Variants in ROBO1 observed in about 807,000 individuals in gnomAD.
ROBO1 encodes the protein roundabout guidance receptor 1.
Under a neutral mutation model 195.9 loss-of-function variants are expected in ROBO1, and 149 were observed. That is an observed-to-expected ratio of 0.76 (90% CI 0.67 to 0.87). The LOEUF (loss-of-function observed/expected upper bound fraction) is 0.87, where lower values mean the gene tolerates loss of function less well. Ranked by LOEUF, ROBO1 falls within the 40% of genes least tolerant of loss-of-function variation. ROBO1 has a pLI of 0.00. For missense variants in ROBO1, 1,933 were observed against 2,068.3 expected (o/e 0.93, Z 1.27); for synonymous variants, 816 against 733.2 (o/e 1.11, Z -1.82).
chr3:78,605,868 T>C (rs1189787909), intron 29 of ROBO1, among the ~76,000 whole-genome samples: 1 of 152,202 alleles, frequency 6.6e-6, no homozygotes, highest in African/African-American at 2.4e-5. Context: ...CAACTTACCT[T>C]TGAACATTCA....
At chr3:79,058,410 G>C (rs1054824088) in intron 3 of ROBO1, among the ~76,000 whole-genome samples, 1 of 151,946 alleles carries the variant, frequency 6.6e-6, no homozygotes, top group Non-Finnish European at 1.5e-5. Flanking sequence ...CCAAGGCCTC[G>C]TATGATACTC....
At chr3:78,806,883 C>T (rs1191404107) in intron 4 of ROBO1, among the ~76,000 whole-genome samples, 1 of 152,036 alleles carries the variant, frequency 6.6e-6, no homozygotes, top group African/African-American at 2.4e-5. Context: ...TCTCAGCTCA[C>T]TGCAACCTCC....
chr3:78,780,287 G>A (rs2083636283), intron 4 of ROBO1, among the ~76,000 whole-genome samples: 1 of 152,128 alleles, frequency 6.6e-6, no homozygotes, highest in South Asian at 2.1e-4. Context: ...CTTATTAACT[G>A]AGACTGCATG....
intron 2 of ROBO1, among the ~76,000 whole-genome samples, chr3:79,359,952 A>G (rs1404279715): frequency 6.6e-6 from 1 of 152,048 alleles, no homozygotes; most frequent in Non-Finnish European, 1.5e-5. Flanking sequence ...ATTTGAAGGA[A>G]GAAGAAAACT....
At chr3:79,663,832 C>A (rs1946399031) in intron 1 of ROBO1, among the ~76,000 whole-genome samples, 1 of 151,920 alleles carries the variant, frequency 6.6e-6, no homozygotes, top group African/African-American at 2.4e-5. Context: ...CTTTGTTGGT[C>A]TCTTAAATGT....
intron 3 of ROBO1, among the ~76,000 whole-genome samples, chr3:78,958,949 A>G (rs1303293309): frequency 6.6e-6 from 1 of 151,176 alleles, no homozygotes; most frequent in Non-Finnish European, 1.5e-5. Context: ...CTGGGACCAC[A>G]GGTGTACACT....
chr3:79,566,575 G>A (rs1943096146), intron 2 of ROBO1, among the ~76,000 whole-genome samples: 1 of 152,010 alleles, frequency 6.6e-6, no homozygotes, highest in Non-Finnish European at 1.5e-5. Flanking sequence ...AACCAGAGAG[G>A]GGGGATCCCA....
In ROBO1 at chr3:79,432,709, C is replaced by T. The variant is rs78252440; in HGVS notation, c.88+157115G>A. On this transcript the variant is annotated intron_variant, in intron 2 of 30. Transcript: ENST00000464233. ...TGCCCCGCAAAATATACGTTTCACCCTACCCCACTCAGGGTTCTCATCAGT... is the reference window on the plus strand; with the variant it reads ...TGCCCCGCAAAATATACGTTTCACCTTACCCCACTCAGGGTTCTCATCAGT... Among the ~76,000 whole-genome samples the T allele has an allele frequency of 8.4e-3, 1,274 of 152,190 alleles. 22 individuals carry two copies. Among genetic ancestry groups the T allele is most frequent in the African/African-American group, 0.029 (1,214 of 41,552 alleles).
intron 2 of ROBO1, among the ~76,000 whole-genome samples, chr3:79,450,593 A>C (rs2039410684): frequency 6.6e-6 from 1 of 152,036 alleles, no homozygotes; most frequent in African/African-American, 2.4e-5. Flanking sequence ...TAAATAGAGC[A>C]CTTTGATGGC....
chr3:79,176,110 C>A (rs1349652218), intron 2 of ROBO1, among the ~76,000 whole-genome samples: 1 of 152,146 alleles, frequency 6.6e-6, no homozygotes, highest in African/African-American at 2.4e-5. Flanking sequence ...GCCCAAGGGA[C>A]TTCTGGCTGC....
chr3:79,192,088 A>C (rs566739952), intron 2 of ROBO1, among the ~76,000 whole-genome samples: 2 of 151,628 alleles, frequency 1.3e-5, no homozygotes, highest in Admixed American at 6.6e-5. Flanking sequence ...TTGGTAGTAC[A>C]TTATTTTTAG....
At chr3:79,755,886 T>A (rs1379867902) in intron 1 of ROBO1, among the ~76,000 whole-genome samples, 1 of 152,216 alleles carries the variant, frequency 6.6e-6, no homozygotes, top group Non-Finnish European at 1.5e-5. Context: ...GCAGTTTGCA[T>A]GTGCAGGTGG....
intron 2 of ROBO1, among the ~76,000 whole-genome samples, chr3:79,497,280 C>A (rs2107480938): frequency 6.6e-6 from 1 of 152,224 alleles, no homozygotes; most frequent in South Asian, 2.1e-4. Context: ...TTTATTTTGT[C>A]AAAACTGAAT....
intron 1 of ROBO1, among the ~76,000 whole-genome samples, chr3:79,669,497 A>C (rs1302883894): frequency 1.3e-5 from 2 of 151,752 alleles, no homozygotes; most frequent in Non-Finnish European, 2.9e-5. Context: ...CCATTGGGTT[A>C]TTATTGCCTA....
chr3:79,358,791 G>C (rs2035657317), intron 2 of ROBO1, among the ~76,000 whole-genome samples: 4 of 151,878 alleles, frequency 2.6e-5, no homozygotes, highest in Admixed American at 2.0e-4. Context: ...TACTCTTCCT[G>C]CATAAGGAAA....
intron 2 of ROBO1, among the ~76,000 whole-genome samples, chr3:79,298,678 T>C (rs2032726170): frequency 6.6e-6 from 1 of 152,064 alleles, no homozygotes; most frequent in African/African-American, 2.4e-5. Flanking sequence ...TTTTAATGGG[T>C]GCAAAGTAGA....
intron 5 of ROBO1, among the ~76,000 whole-genome samples, chr3:78,734,895 C>G (rs899640039): frequency 7.9e-5 from 12 of 152,104 alleles, no homozygotes; most frequent in Middle Eastern, 3.2e-3. Context: ...CACTGCACCC[C>G]GACTATGGTC....
At chr3:79,610,451 G>A (rs949021034) in intron 1 of ROBO1, among the ~76,000 whole-genome samples, 1 of 151,732 alleles carries the variant, frequency 6.6e-6, no homozygotes, top group Non-Finnish European at 1.5e-5. Flanking sequence ...CAAAAATACT[G>A]TATTAAAAGA....
rs188977530 is a variant in ROBO1 at position 78,974,297 on chromosome 3, T to G, written c.173-35370A>C. ...AGAGGGAGAGAGAACGAAAGGGAAA[T>G]TCCAGTGATTCAGAACTTTAGACTT... is the stretch of plus-strand genomic sequence containing the variant. On this transcript the variant is annotated intron_variant, in intron 3 of 30. Coordinates refer to ENST00000464233, the MANE Select transcript of ROBO1 (RefSeq NM_002941.4). 1.6e-4 allele frequency among the ~76,000 whole-genome samples: 24 copies of G among 151,984 alleles called. No individual in the cohort carries two copies. In the East Asian group the frequency reaches 4.3e-3, roughly 27 times the overall value.
Sources: gnomAD v4.1 joint callset for allele counts (sites outside exome capture counted in the v4.1 genomes callset) on GRCh38, gnomAD v4.1.1 for gene constraint, MANE v1.5 for transcripts, NCBI Gene and HGNC (gene_info 2026-07-23, HGNC 2026-07-21) for gene names.